ATRNL1: variants seen among roughly 807,000 people sequenced by gnomAD.
ATRNL1 encodes attractin-like protein 1.
In ATRNL1, 95 loss-of-function variants were observed where a neutral mutation model predicts 182.7. The ratio of observed to expected loss-of-function variants is 0.52; its 90% CI spans 0.44 to 0.62. The LOEUF is 0.62. ATRNL1 is among the 20% of genes least tolerant of loss of function. The pLI is 0.00. For missense variants in ATRNL1, 1,471 were observed against 1,679.5 expected (o/e 0.88, Z 2.17); for synonymous variants, 576 against 568.3 (o/e 1.01, Z -0.19).
At position 115,522,196 on chromosome 10, in the gene ATRNL1, C is replaced by T. The variant is rs116899336; in HGVS notation, c.3716+2872C>T. ...TGTTTGTATTGCTGAAAAGGAATAC[C>T]TAAGGCTGGGTAATTTATAAAAAGA... On this transcript the variant is annotated intron_variant, in intron 25 of 28. Transcript: ENST00000355044. 7.7e-3 allele frequency among the ~76,000 whole-genome samples: 1,174 copies of T among 152,136 alleles called. 5 individuals carry two copies. Among genetic ancestry groups the T allele is most frequent in the Middle Eastern group, 0.02 (6 of 294 alleles).
At chr10:115,388,325 T>C (rs1843777941) in intron 19 of ATRNL1, among the ~76,000 whole-genome samples, 1 of 152,212 alleles carries the variant, frequency 6.6e-6, no homozygotes, top group Non-Finnish European at 1.5e-5. Flanking sequence ...TATTTGTCAC[T>C]GAAATATTCA....
At chr10:115,150,232 A>AT (rs560840367) in intron 5 of ATRNL1, among the ~76,000 whole-genome samples, 3,740 of 149,306 alleles carry the variant, frequency 0.025, 151 homozygotes, top group African/African-American at 0.086. Context: ...GGGTTTTCTA[A>AT]TTTTTTTTTG....
intron 20 of ATRNL1, among the ~76,000 whole-genome samples, chr10:115,424,067 C>T (rs555472340): frequency 2.0e-4 from 31 of 152,050 alleles, no homozygotes; most frequent in African/African-American, 7.5e-4. Context: ...TGTTAGGAAC[C>T]CAAAGAACTC....
At chr10:115,463,791 T>C (rs1359663588) in intron 22 of ATRNL1, among the ~76,000 whole-genome samples, 1 of 152,124 alleles carries the variant, frequency 6.6e-6, no homozygotes, top group Non-Finnish European at 1.5e-5. Flanking sequence ...TTTAGCATAG[T>C]GTTTCCAAGG....
At chr10:115,809,989 T>G (rs1454049426) in intron 27 of ATRNL1, among the ~76,000 whole-genome samples, 1 of 151,896 alleles carries the variant, frequency 6.6e-6, no homozygotes, top group Non-Finnish European at 1.5e-5. Context: ...GCTGAGAAAT[T>G]TTTTTTAGGA....
chr10:115,742,013 A>G (rs929111484), intron 27 of ATRNL1, among the ~76,000 whole-genome samples: 4 of 152,208 alleles, frequency 2.6e-5, no homozygotes, highest in African/African-American at 7.2e-5. Flanking sequence ...AAAGCAGTCA[A>G]TGAAGATAAG....
chr10:115,763,492 T>C (rs1443888455), intron 27 of ATRNL1, among the ~76,000 whole-genome samples: 3 of 152,164 alleles, frequency 2.0e-5, no homozygotes, highest in African/African-American at 7.2e-5. Context: ...ATTTCCCTAG[T>C]GAACAGAGGG....
chr10:115,798,253 C>T (rs1265886063), intron 27 of ATRNL1, among the ~76,000 whole-genome samples: 2 of 152,242 alleles, frequency 1.3e-5, no homozygotes, highest in Admixed American at 6.5e-5. Flanking sequence ...CCCCACCTAC[C>T]TTTCCCCACA....
intron 9 of ATRNL1, among the ~76,000 whole-genome samples, chr10:115,222,171 T>C (rs1554897600): frequency 6.6e-6 from 1 of 152,008 alleles, no homozygotes. Flanking sequence ...TTGAGTAAAT[T>C]AAGAATTCCT....
chr10:115,645,988 C>T (rs1859585481), intron 26 of ATRNL1, among the ~76,000 whole-genome samples: 1 of 150,962 alleles, frequency 6.6e-6, no homozygotes, highest in Non-Finnish European at 1.5e-5. Context: ...ATACATTGCT[C>T]TAGTCCATTT....
chr10:115,207,171 T>C (rs373579681), intron 8 of ATRNL1, among the ~76,000 whole-genome samples: 1 of 152,108 alleles, frequency 6.6e-6, no homozygotes, highest in Admixed American at 6.6e-5. Context: ...GTCTTTATAG[T>C]AGCATGATTT....
At chr10:115,416,646 A>G (rs1442652901) in intron 20 of ATRNL1, among the ~76,000 whole-genome samples, 2 of 152,188 alleles carry the variant, frequency 1.3e-5, no homozygotes, top group Admixed American at 6.5e-5. Flanking sequence ...ACAAGAACAT[A>G]TAGTTTCATC....
chr10:115,681,759 G>A (rs1946053636), intron 26 of ATRNL1, among the ~76,000 whole-genome samples: 1 of 151,994 alleles, frequency 6.6e-6, no homozygotes, highest in Non-Finnish European at 1.5e-5. Context: ...GTTTACCTGG[G>A]TGAATATATA....
At chr10:115,351,772 TG>T (rs111463230) in intron 19 of ATRNL1, among the ~76,000 whole-genome samples, 2 of 138,550 alleles carry the variant, frequency 1.4e-5, no homozygotes, top group Admixed American at 7.2e-5. Flanking sequence ...TTGTTTTGTT[TG>T]TGTTTTTGTT....
chr10:115,184,365 C>T (rs1320036056), intron 8 of ATRNL1, among the ~76,000 whole-genome samples: 1 of 149,882 alleles, frequency 6.7e-6, no homozygotes, highest in Non-Finnish European at 1.5e-5. Flanking sequence ...TATATATATA[C>T]ACACACATAA....
chr10:115,537,056 G>A (rs1852070957), intron 25 of ATRNL1, among the ~76,000 whole-genome samples: 1 of 152,174 alleles, frequency 6.6e-6, no homozygotes, highest in Non-Finnish European at 1.5e-5. Flanking sequence ...AACAATAAAT[G>A]ATTTCTTACT....
At chr10:115,906,399 C>T (rs1304160653) in intron 28 of ATRNL1, among the ~76,000 whole-genome samples, 5 of 151,956 alleles carry the variant, frequency 3.3e-5, no homozygotes, top group Non-Finnish European at 7.4e-5. Flanking sequence ...ATTATATATA[C>T]CTCAAAATTT....
chr10:115,380,844 A>G (rs1554950861), intron 19 of ATRNL1, among the ~76,000 whole-genome samples: 1 of 152,186 alleles, frequency 6.6e-6, no homozygotes, highest in Admixed American at 6.5e-5. Flanking sequence ...TGCTGCTATG[A>G]ACATTCCGTG....
chr10:115,103,434 T>A lies in ATRNL1; in HGVS notation c.293+9391T>A, dbSNP rs377140610. Reference sequence around the variant, plus strand: ...ATTTCAATTTCCAGTTTGTAGACTTTAAAAAAATAATCAGGGAAATCTTTC... The same window carrying A: ...ATTTCAATTTCCAGTTTGTAGACTTAAAAAAAATAATCAGGGAAATCTTTC... On this transcript the variant is annotated intron_variant, in intron 1 of 28. Coordinates refer to ENST00000355044, the MANE Select transcript of ATRNL1 (RefSeq NM_207303.4). Among the ~76,000 whole-genome samples the A allele has an allele frequency of 2.0e-5, 3 of 152,282 alleles. No individual in the cohort carries two copies. In the East Asian group the frequency reaches 5.8e-4, roughly 29 times the overall value.
Sources: allele counts gnomAD v4.1 joint callset (sites outside exome capture counted in the v4.1 genomes callset), GRCh38; gene constraint gnomAD v4.1.1; transcripts MANE v1.5; gene names NCBI Gene and HGNC (gene_info 2026-07-23, HGNC 2026-07-21).